The following FER variants were observed in gnomAD, a reference collection of about 807,000 sequenced individuals.
FER encodes the protein tyrosine-protein kinase Fer.
FER carries 63 observed loss-of-function variants against 111.0 expected under a neutral mutation model. The observed-to-expected ratio is 0.57, with a 90% CI of 0.46 to 0.70. The LOEUF (loss-of-function observed/expected upper bound fraction) is 0.70, where lower values mean the gene tolerates loss of function less well. FER is among the 30% of genes least tolerant of loss of function. FER has a pLI of 0.00. For missense variants in FER, 914 were observed against 954.0 expected, an observed-to-expected ratio of 0.96 and a Z score of 0.55; for synonymous variants, 327 against 313.9, an observed-to-expected ratio of 1.04 and a Z score of -0.44.
At chr5:108,988,483 A>G (rs1762817303) in intron 13 of FER, among the ~76,000 whole-genome samples, 1 of 151,860 alleles carries the variant, frequency 6.6e-6, no homozygotes, top group African/African-American at 2.4e-5. Context: ...ATCTGCTCAG[A>G]GTTTCTGTTT....
chr5:108,933,642 G>A (rs996624212), intron 10 of FER, among the ~76,000 whole-genome samples: 5 of 152,052 alleles, frequency 3.3e-5, no homozygotes, highest in African/African-American at 1.2e-4. Context: ...GAAAGTCAAT[G>A]GTAACTTGAT....
intron 3 of FER, among the ~76,000 whole-genome samples, chr5:108,807,603 T>C (rs1213123639): frequency 1.3e-5 from 2 of 152,228 alleles, no homozygotes; most frequent in Non-Finnish European, 2.9e-5. Context: ...GTATGGATGA[T>C]TGGATATCAA....
intron 1 of FER, among the ~76,000 whole-genome samples, chr5:108,767,189 A>T (rs1054197072): frequency 2.6e-5 from 4 of 152,142 alleles, no homozygotes; most frequent in African/African-American, 7.2e-5. Context: ...CTGTAATCCC[A>T]GATACTCAGG....
intron 2 of FER, among the ~76,000 whole-genome samples, chr5:108,770,618 C>G (rs1197917973): frequency 6.6e-6 from 1 of 151,596 alleles, no homozygotes; most frequent in Non-Finnish European, 1.5e-5. Context: ...TCAAGCCATC[C>G]TCCCACCTCA....
At chr5:109,143,887 C>A (rs1182455684) in intron 17 of FER, among the ~76,000 whole-genome samples, 5 of 150,354 alleles carry the variant, frequency 3.3e-5, no homozygotes, top group African/African-American at 9.7e-5. Context: ...ATATATATAT[C>A]TATCTTGGGG....
At chr5:108,938,030 A>T (rs1388213108) in intron 10 of FER, among the ~76,000 whole-genome samples, 67 of 16,478 alleles carry the variant, frequency 4.1e-3, no homozygotes, top group East Asian at 0.026. Context: ...TCTCTCTCAC[A>T]CACACACACA....
intron 13 of FER, among the ~76,000 whole-genome samples, chr5:108,981,137 A>G (rs1440510456): frequency 6.6e-6 from 1 of 152,080 alleles, no homozygotes; most frequent in Non-Finnish European, 1.5e-5. Context: ...AAGGTAATAC[A>G]CAATCGCTGA....
chr5:109,038,104 A>T (rs990442582), intron 14 of FER, among the ~76,000 whole-genome samples: 1 of 151,932 alleles, frequency 6.6e-6, no homozygotes, highest in Admixed American at 6.6e-5. Flanking sequence ...AGTCAAGTAT[A>T]TGTTATTTAA....
At chr5:109,100,912 A>G (rs910044576) in intron 17 of FER, among the ~76,000 whole-genome samples, 1 of 151,956 alleles carries the variant, frequency 6.6e-6, no homozygotes, top group Non-Finnish European at 1.5e-5. Context: ...GCATAATAGT[A>G]AAACAGCAAT....
At chr5:109,082,846 T>A (rs1192466852) in intron 16 of FER, among the ~76,000 whole-genome samples, 4 of 152,026 alleles carry the variant, frequency 2.6e-5, no homozygotes, top group South Asian at 2.1e-4. Context: ...TTATCCAAGA[T>A]GAGAAATCAT....
chr5:109,101,060 A>G (rs539431698), intron 17 of FER, among the ~76,000 whole-genome samples: 5 of 152,084 alleles, frequency 3.3e-5, no homozygotes, highest in Middle Eastern at 3.4e-3. Context: ...TAGTTATTTC[A>G]AAGGAGATTT....
chr5:108,837,991 A>AG (rs770584982), intron 5 of FER, among the ~76,000 whole-genome samples: 2 of 152,204 alleles, frequency 1.3e-5, no homozygotes, highest in African/African-American at 2.4e-5. Context: ...CAGAATATAT[A>AG]GTTACTTTTA....
chr5:108,770,435 T>C (rs1314075711), intron 2 of FER, among the ~76,000 whole-genome samples: 3 of 152,234 alleles, frequency 2.0e-5, no homozygotes, highest in Non-Finnish European at 2.9e-5. Flanking sequence ...TAATTCAAAG[T>C]TCTAATATGT....
chr5:109,122,557 A>C (rs1167353617), intron 17 of FER, among the ~76,000 whole-genome samples: 1 of 150,232 alleles, frequency 6.7e-6, no homozygotes, highest in Non-Finnish European at 1.5e-5. Flanking sequence ...GCCTTTGGTG[A>C]AACGTTCTGT....
At position 108,791,559 on chromosome 5, in the gene FER, G is replaced by GTATATACATATATATGATATATA. The variant is rs1386116042; in HGVS notation, c.-59-6549_-59-6527dup. On this transcript the variant is annotated intron_variant, in intron 2 of 19. Coordinates refer to ENST00000281092, the MANE Select transcript of FER (RefSeq NM_005246.4). ...CATATATATATACACACACATATGT[G>GTATATACATATATATGATATATA]TATATACATATATATGATATATATA... 7.9e-3 allele frequency among the ~76,000 whole-genome samples: 1,123 copies of GTATATACATATATATGATATATA among 142,954 alleles called. 12 individuals are homozygous for GTATATACATATATATGATATATA. The highest frequency in any genetic ancestry group is 0.036 in the Middle Eastern group (10 of 274). The allele number at this position is 142,954 out of a possible 152,430, so 93.8% of individuals were successfully genotyped here. A position where few individuals can be genotyped will look rare whatever the true frequency, so the allele number is the denominator to read the frequency against.
rs1205763768 is a variant in FER, at chr5:109,190,558, A to T, written c.*2983A>T. ...TTAACATTTATTACCAACATGTGAA[A>T]CCTAAAATTAATTTTGCATTCCATG... On this transcript the variant is annotated 3_prime_UTR_variant, in exon 20 of 20. Coordinates refer to ENST00000281092, the MANE Select transcript of FER (RefSeq NM_005246.4). 2.0e-5 allele frequency: 3 copies of T among 152,098 alleles called. No homozygotes were observed. 9.4% of individuals were successfully genotyped at this position (152,098 alleles called of 1,614,324 possible).
intron 17 of FER, among the ~76,000 whole-genome samples, chr5:109,118,205 T>A (rs192597693): frequency 3.3e-5 from 5 of 152,336 alleles, no homozygotes; most frequent in African/African-American, 7.2e-5. Context: ...ATTGAGAGTT[T>A]TTAGCATGAA....
At position 109,013,767 on chromosome 5, in the gene FER, T is replaced by C. The variant is rs1189179906; in HGVS notation, c.1657-23655T>C. 3.6e-4 allele frequency among the ~76,000 whole-genome samples: 54 copies of C among 149,596 alleles called. 1 individual carries two copies. The highest frequency in any genetic ancestry group is 9.0e-4 in the African/African-American group (37 of 40,958). On this transcript the variant is annotated intron_variant, in intron 13 of 19. Transcript: ENST00000281092. The stretch of plus-strand genomic sequence containing the variant: ...TGTTGTTTCCTGACTTTTTAATGAT[T>C]GCCATTCTAACTGGTGTGAGATGGT...
chr5:109,149,888 G>C (rs527764511), intron 17 of FER, among the ~76,000 whole-genome samples: 1 of 152,224 alleles, frequency 6.6e-6, no homozygotes, highest in South Asian at 2.1e-4. Context: ...TGCCCAGCAG[G>C]AAGTGAGCGG....
Sources: allele counts gnomAD v4.1 joint callset (sites outside exome capture counted in the v4.1 genomes callset), GRCh38; gene constraint gnomAD v4.1.1; transcripts MANE v1.5; gene names NCBI Gene and HGNC (gene_info 2026-07-23, HGNC 2026-07-21).